The following NDUFA3 variants were observed in gnomAD, a reference collection of about 807,000 sequenced individuals.
NDUFA3 encodes the protein NADH dehydrogenase [ubiquinone] 1 alpha subcomplex subunit 3.
A neutral mutation model predicts 11.4 loss-of-function variants in NDUFA3; 10 were observed. That is an observed-to-expected ratio of 0.87 (90% CI 0.54 to 1.48). NDUFA3 has a LOEUF of 1.48. Ranked by LOEUF, NDUFA3 falls within the 40% of genes most tolerant of loss-of-function variation. The pLI is 0.00. For missense variants in NDUFA3, 115 were observed against 110.5 expected (o/e 1.04, Z -0.18); for synonymous variants, 39 against 46.9 (o/e 0.83, Z 0.68).
intron 2 of NDUFA3, among the ~76,000 whole-genome samples, chr19:54,104,795 A>G (rs915003279): frequency 1.3e-5 from 2 of 151,724 alleles, no homozygotes; most frequent in Admixed American, 6.6e-5. Flanking sequence ...CTAGAGTGCA[A>G]TGGCCTGATC....
rs1316415018 is a variant in NDUFA3 at position 54,105,264 on chromosome 19, C to CCTTTTTTTTTTTTTTTTTTTTTTT, written c.86-670_86-669insCTTTTTTTTTTTTTTTTTTTTTTT. Among the ~76,000 whole-genome samples, 9 of 71,262 alleles carry CCTTTTTTTTTTTTTTTTTTTTTTT rather than the reference C, an allele frequency of 1.3e-4. 2 individuals are homozygous for CCTTTTTTTTTTTTTTTTTTTTTTT. Among genetic ancestry groups the CCTTTTTTTTTTTTTTTTTTTTTTT allele is most frequent in the African/African-American group, 2.4e-4 (4 of 16,568 alleles). The allele number at this position is 71,262 out of a possible 152,430, so 46.8% of individuals were successfully genotyped here. A position where few individuals can be genotyped will look rare whatever the true frequency, so the allele number is the denominator to read the frequency against. On this transcript the variant is annotated intron_variant, in intron 2 of 3. Coordinates refer to ENST00000485876, the MANE Select transcript of NDUFA3 (RefSeq NM_004542.4). Reference sequence around the variant, plus strand: ...ACCCTTTCTCCTCCAGTTTGTAAGGCTTTTTTTTTTTTTTTTTTTTTGGTG... The same window carrying CCTTTTTTTTTTTTTTTTTTTTTTT: ...ACCCTTTCTCCTCCAGTTTGTAAGGCCTTTTTTTTTTTTTTTTTTTTTTTTTTTTTTTTTTTTTTTTTTTTGGTG...
In NDUFA3 at chr19:54,107,131, C is replaced by G; in HGVS notation, c.*229C>G. The G allele has an allele frequency of 6.2e-7, 1 of 1,613,950 alleles. No homozygotes were observed. Among genetic ancestry groups the G allele is most frequent in the Non-Finnish European group, 8.5e-7 (1 of 1,179,982 alleles). ...GAGAAACCCAACTGGAATCCAGGGCCTCATCTGCTTCAAAGCCAAAGTCTT... is the reference window on the plus strand; with the variant it reads ...GAGAAACCCAACTGGAATCCAGGGCGTCATCTGCTTCAAAGCCAAAGTCTT... On this transcript the variant is annotated 3_prime_UTR_variant, in exon 4 of 4. Transcript: ENST00000485876.
chr19:54,103,490 C>T (rs587691683), intron 2 of NDUFA3, among the ~76,000 whole-genome samples: 1 of 152,238 alleles, frequency 6.6e-6, no homozygotes, highest in Admixed American at 6.5e-5. Context: ...TTTCATCTTT[C>T]CTCTCCCCCA....
Position 54,105,263 on chromosome 19 carries a change from G to GATTTTTTTTTTTTTTTTTTTT in NDUFA3, c.86-671_86-670insATTTTTTTTTTTTTTTTTTTT, listed in dbSNP as rs1201834834. ...AACCCTTTCTCCTCCAGTTTGTAAG[G>GATTTTTTTTTTTTTTTTTTTT]CTTTTTTTTTTTTTTTTTTTTTGGT... On this transcript the variant is annotated intron_variant, in intron 2 of 3. Coordinates refer to ENST00000485876, the MANE Select transcript of NDUFA3 (RefSeq NM_004542.4). Among the ~76,000 whole-genome samples the GATTTTTTTTTTTTTTTTTTTT allele has an allele frequency of 6.9e-4, 27 of 38,998 alleles. 2 individuals carry two copies. The highest frequency in any genetic ancestry group is 2.3e-3 in the South Asian group (3 of 1,288). The allele number at this position is 38,998 out of a possible 152,430, so 25.6% of individuals were successfully genotyped here.
In NDUFA3 at chr19:54,102,908, G is replaced by T. The variant is rs2073129901; in HGVS notation, c.10+20G>T. 6.2e-7 allele frequency: 1 copy of T among 1,609,542 alleles called. No individual in the cohort carries two copies. The highest frequency in any genetic ancestry group is 8.5e-7 in the Non-Finnish European group (1 of 1,177,528). ...CTGCGAGTAAGTGCAGGTGCCGGTG[G>T]CGCACGGGGCTCGGGTAGTTCTGGG... is the stretch of plus-strand genomic sequence containing the variant. On this transcript the variant is annotated intron_variant, in intron 1 of 3. Transcript: ENST00000485876.
intron 2 of NDUFA3, among the ~76,000 whole-genome samples, chr19:54,103,623 T>A (rs1482047441): frequency 1.3e-5 from 2 of 152,062 alleles, no homozygotes; most frequent in Non-Finnish European, 2.9e-5. Flanking sequence ...GGAACTGCCC[T>A]ACTCACACTT....
In NDUFA3 at chr19:54,107,114, C is replaced by G; in HGVS notation, c.*212C>G. 6.2e-7 allele frequency: 1 copy of G among 1,613,912 alleles called. No individual in the cohort carries two copies. Among genetic ancestry groups the G allele is most frequent in the Non-Finnish European group, 8.5e-7 (1 of 1,179,948 alleles). The stretch of plus-strand genomic sequence containing the variant: ...CAGTTTGTCTGGACCCCGAGAAACC[C>G]AACTGGAATCCAGGGCCTCATCTGC... On this transcript the variant is annotated 3_prime_UTR_variant, in exon 4 of 4. Transcript: ENST00000485876.
At chr19:54,105,697 CGTATCT>C (rs1568559277) in intron 2 of NDUFA3, 1 of 690,892 alleles carries the variant, frequency 1.4e-6, no homozygotes, top group Admixed American at 2.1e-5. Flanking sequence ...CCAGGCCCCA[CGTATCT>C]GTGAGTGTTA....
intron 2 of NDUFA3, among the ~76,000 whole-genome samples, 177 bp downstream of exon 2, chr19:54,103,365 C>A (rs958105286): frequency 3.4e-4 from 52 of 152,164 alleles, no homozygotes; most frequent in African/African-American, 1.2e-3. Flanking sequence ...CATCGCCCCC[C>A]GCGTTCCTCT....
At chr19:54,105,696 A>G in intron 2 of NDUFA3, 2 of 690,988 alleles carry the variant, frequency 2.9e-6, no homozygotes, top group South Asian at 3.1e-5. Flanking sequence ...TCCAGGCCCC[A>G]CGTATCTGTG....
intron 2 of NDUFA3, among the ~76,000 whole-genome samples, chr19:54,105,205 A>G (rs966442796): frequency 2.7e-5 from 4 of 149,568 alleles, no homozygotes; most frequent in Non-Finnish European, 5.9e-5. Flanking sequence ...CTCCCACCCT[A>G]AATGGACTGT....
chr19:54,106,973 G>C lies in NDUFA3; in HGVS notation c.*71G>C. 1 of 1,601,534 alleles carries C rather than the reference G, an allele frequency of 6.2e-7. No homozygotes were observed. The highest frequency in any genetic ancestry group is 1.7e-5 in the Admixed American group (1 of 58,176). ...AATGTGAAAACCAACCCCCGAACGT[G>C]AGCATGTGTGTGATCAGAGGTGGGA... is the stretch of plus-strand genomic sequence containing the variant. On this transcript the variant is annotated 3_prime_UTR_variant, in exon 4 of 4. Coordinates refer to ENST00000485876, the MANE Select transcript of NDUFA3 (RefSeq NM_004542.4).
Position 54,103,549 on chromosome 19 carries a change from C to T in NDUFA3, c.85+361C>T, listed in dbSNP as rs183058441. ...GGAGGTGGGACTGGGGAATCTGTGTCTTGTGAAAATCCCCGTATGATCCCA... is the reference window on the plus strand; with the variant it reads ...GGAGGTGGGACTGGGGAATCTGTGTTTTGTGAAAATCCCCGTATGATCCCA... On this transcript the variant is annotated intron_variant, in intron 2 of 3. Transcript: ENST00000485876. 3.9e-5 allele frequency among the ~76,000 whole-genome samples: 6 copies of T among 152,264 alleles called. No individual in the cohort carries two copies. In the East Asian group the frequency reaches 1.2e-3, roughly 29 times the overall value.
intron 2 of NDUFA3, among the ~76,000 whole-genome samples, chr19:54,104,168 C>A (rs1189195752): frequency 7.8e-6 from 1 of 127,642 alleles, no homozygotes; most frequent in African/African-American, 3.0e-5. Context: ...GATGGCGTCT[C>A]GCTCTGTCTT....
At chr19:54,103,302 G>A (rs2073147614) in intron 2 of NDUFA3, 114 bp downstream of exon 2, 2 of 1,056,366 alleles carry the variant, frequency 1.9e-6, no homozygotes, top group East Asian at 2.7e-5. Flanking sequence ...TAGTGTGTCT[G>A]CACCCCCACG....
Position 54,107,143 on chromosome 19 carries a change from AAAGCCAAAGT to A in NDUFA3, c.*242_*251del. 6.2e-7 allele frequency: 1 copy of A among 1,613,960 alleles called. No homozygotes were observed. On this transcript the variant is annotated 3_prime_UTR_variant, in exon 4 of 4. Transcript: ENST00000485876. ...TGGAATCCAGGGCCTCATCTGCTTC[AAAGCCAAAGT>A]CTTCCTCAACCTTAATCTGCAGGAG...
Position 54,105,965 on chromosome 19 carries a change from C to T in NDUFA3, c.117C>T (p.Phe39=). The change falls in exon 3 of 4, where the codon TTC becomes TTT. Residue 39 remains phenylalanine (F), a synonymous_variant. Transcript: ENST00000485876. ...TTCTGCCCCCATTGAGCCCCTACTT[C>T]AAGTACTCCGTCATGATCAACAAGG... is the stretch of plus-strand genomic sequence containing the variant. ...AVILPPLSPY[F]KYSVMINKAT... 1 of 1,613,930 alleles carries T rather than the reference C, an allele frequency of 6.2e-7. No homozygotes were observed. Among genetic ancestry groups the T allele is most frequent in the African/African-American group, 1.3e-5 (1 of 75,022 alleles).
chr19:54,107,089 C>T lies in NDUFA3; in HGVS notation c.*187C>T. The T allele has an allele frequency of 6.2e-7, 1 of 1,613,870 alleles. No homozygotes were observed. The highest frequency in any genetic ancestry group is 8.5e-7 in the Non-Finnish European group (1 of 1,179,976). On this transcript the variant is annotated 3_prime_UTR_variant, in exon 4 of 4. Transcript: ENST00000485876. ...GGCTGGCCAGGGTCGGGTAGGGCAG[C>T]AGTTTGTCTGGACCCCGAGAAACCC...
At chr19:54,105,263 G>GATTTTTTTTT (rs1201834834) in intron 2 of NDUFA3, among the ~76,000 whole-genome samples, 39 of 38,990 alleles carry the variant, frequency 1.0e-3, no homozygotes, top group Non-Finnish European at 1.4e-3. Flanking sequence ...AGTTTGTAAG[G>GATTTTTTTTT]CTTTTTTTTT....
Sources: allele counts gnomAD v4.1 joint callset (sites outside exome capture counted in the v4.1 genomes callset), GRCh38; gene constraint gnomAD v4.1.1; transcripts MANE v1.5; gene names NCBI Gene and HGNC (gene_info 2026-07-23, HGNC 2026-07-21).